The following ATP8A2 variants were observed in gnomAD, a reference collection of about 807,000 sequenced individuals.
The protein encoded by ATP8A2 is ATPase phospholipid transporting 8A2.
Under a neutral mutation model 165.6 loss-of-function variants are expected in ATP8A2, and 100 were observed. That is an observed-to-expected ratio of 0.60 (90% confidence interval 0.51 to 0.71). ATP8A2 has a LOEUF of 0.71. Ranked by LOEUF, ATP8A2 falls within the 30% of genes least tolerant of loss-of-function variation. ATP8A2 has a pLI of 0.00. For missense variants in ATP8A2, 1,227 were observed against 1,479.5 expected, an observed-to-expected ratio of 0.83 and a Z score of 2.80; for synonymous variants, 543 against 548.8, an observed-to-expected ratio of 0.99 and a Z score of 0.15.
rs371962634 is a variant in ATP8A2 at position 25,629,271 on chromosome 13, T to A, written c.2211+39572T>A. 4.6e-5 allele frequency among the ~76,000 whole-genome samples: 7 copies of A among 152,274 alleles called. No homozygotes were observed. The East Asian group carries it at 1.4e-3, about 29-fold the overall frequency. On this transcript the variant is annotated intron_variant, in intron 24 of 36. Transcript: ENST00000381655. ...GAATAATTTGGCTCAATAAAAAAAT[T>A]TTTAGAAGAAGCAATAGAATAGCAA...
chr13:25,958,622 T>C (rs1022867), intron 33 of ATP8A2, among the ~76,000 whole-genome samples: 41,086 of 152,144 alleles, frequency 0.27, 6,078 homozygotes, highest in East Asian at 0.57. Context: ...GCATATGGCA[T>C]GTAAATGGTC....
intron 26 of ATP8A2, among the ~76,000 whole-genome samples, chr13:25,772,900 C>T (rs1401163934): frequency 6.6e-6 from 1 of 151,974 alleles, no homozygotes; most frequent in African/African-American, 2.4e-5. Flanking sequence ...GCTGGGATTA[C>T]AGGCACCCAA....
chr13:25,951,599 T>C (rs1955362417), intron 33 of ATP8A2, among the ~76,000 whole-genome samples: 2 of 152,154 alleles, frequency 1.3e-5, no homozygotes, highest in Admixed American at 1.3e-4. Context: ...TGGCTGAAGA[T>C]CTGTGCATTT....
At chr13:25,602,052 A>G (rs1593624677) in intron 24 of ATP8A2, among the ~76,000 whole-genome samples, 1 of 152,048 alleles carries the variant, frequency 6.6e-6, no homozygotes, top group Non-Finnish European at 1.5e-5. Context: ...ACTCTTGCCT[A>G]CTTGGTAAGA....
intron 33 of ATP8A2, among the ~76,000 whole-genome samples, chr13:25,893,375 T>C (rs1185111111): frequency 6.6e-6 from 1 of 151,970 alleles, no homozygotes; most frequent in Non-Finnish European, 1.5e-5. Flanking sequence ...ACAAAGGACA[T>C]GAACTCATCA....
intron 34 of ATP8A2, among the ~76,000 whole-genome samples, chr13:25,966,753 A>T (rs1955786411): frequency 6.6e-6 from 1 of 152,188 alleles, no homozygotes; most frequent in Admixed American, 6.5e-5. Context: ...ATTGAGTAAA[A>T]ACCAGCAGCT....
chr13:25,539,276 T>A (rs2038392686), intron 7 of ATP8A2, among the ~76,000 whole-genome samples: 1 of 152,022 alleles, frequency 6.6e-6, no homozygotes, highest in Non-Finnish European at 1.5e-5. Context: ...TTTAAAAATT[T>A]TTTTGTAGAG....
intron 2 of ATP8A2, among the ~76,000 whole-genome samples, chr13:25,472,781 C>T (rs1438422063): frequency 6.6e-6 from 1 of 152,134 alleles, no homozygotes; most frequent in Non-Finnish European, 1.5e-5. Flanking sequence ...GGCTAACTTA[C>T]CTTGTTGTAC....
rs11443092 is a variant in ATP8A2, at chr13:25,750,813, G to GA, written c.2385-18231dup. Among the ~76,000 whole-genome samples the GA allele has an allele frequency of 0.021, 3,269 of 152,246 alleles. 119 individuals carry two copies. The highest frequency in any genetic ancestry group is 0.18 in the East Asian group (918 of 5,170). ...AGAGTTGCTTGGGGAAAAAAAAAAG[G>GA]AATCTTTTTGGAATTACACGTGTAG... is the stretch of plus-strand genomic sequence containing the variant. On this transcript the variant is annotated intron_variant, in intron 25 of 36. Transcript: ENST00000381655. The surrounding 1 kb of genome is among the most constrained non-coding windows in gnomAD (Gnocchi z 4.3).
intron 1 of ATP8A2, among the ~76,000 whole-genome samples, chr13:25,401,054 C>T (rs954291772): frequency 1.3e-5 from 2 of 152,028 alleles, no homozygotes; most frequent in African/African-American, 4.8e-5. Context: ...TCTCTTCATT[C>T]GTAGAATAAC....
intron 1 of ATP8A2, among the ~76,000 whole-genome samples, chr13:25,399,004 C>T (rs1392236472): frequency 6.6e-6 from 1 of 152,158 alleles, no homozygotes; most frequent in Non-Finnish European, 1.5e-5. Flanking sequence ...TTTTCCTCTA[C>T]TTGAAAATTT....
At chr13:25,616,326 C>CTTTCTT (rs1357480265) in intron 24 of ATP8A2, among the ~76,000 whole-genome samples, 5 of 106,738 alleles carry the variant, frequency 4.7e-5, no homozygotes, top group African/African-American at 1.5e-4. Context: ...TTCTTTCTTT[C>CTTTCTT]TTTTTTTTTT....
chr13:25,688,221 G>C (rs1046556579), intron 24 of ATP8A2, among the ~76,000 whole-genome samples: 1 of 152,136 alleles, frequency 6.6e-6, no homozygotes, highest in African/African-American at 2.4e-5. Flanking sequence ...GTTAATTACA[G>C]GATTTTGTTT....
At chr13:25,554,100 G>C (rs185434353) in intron 12 of ATP8A2, among the ~76,000 whole-genome samples, 180 bp downstream of exon 12, 1 of 152,284 alleles carries the variant, frequency 6.6e-6, no homozygotes, top group Non-Finnish European at 1.5e-5. Flanking sequence ...GGGAATGGAA[G>C]GGCAGTGGTA....
chr13:25,389,819 G>C (rs2033180857), intron 1 of ATP8A2, among the ~76,000 whole-genome samples: 1 of 152,124 alleles, frequency 6.6e-6, no homozygotes, highest in Non-Finnish European at 1.5e-5. Flanking sequence ...CATGTAAAAA[G>C]GAAACAGTGA....
chr13:25,665,947 A>G (rs9507542), intron 24 of ATP8A2, among the ~76,000 whole-genome samples: 36,161 of 148,830 alleles, frequency 0.24, 4,865 homozygotes, highest in South Asian at 0.46. Flanking sequence ...TTTATAAAAT[A>G]TATATAAGGC....
At chr13:25,984,079 T>A (rs1379385270) in intron 35 of ATP8A2, among the ~76,000 whole-genome samples, 3 of 151,212 alleles carry the variant, frequency 2.0e-5, no homozygotes, top group East Asian at 2.0e-4. Context: ...ACAAAAGTTT[T>A]AAAAAAAATT....
At chr13:25,812,690 A>C (rs9507580) in intron 27 of ATP8A2, among the ~76,000 whole-genome samples, 18,224 of 151,650 alleles carry the variant, frequency 0.12, 1,423 homozygotes, top group Non-Finnish European at 0.18. Flanking sequence ...AAAATAAACA[A>C]AACTACATTA....
chr13:25,488,887 T>G, intron 2 of ATP8A2, among the ~76,000 whole-genome samples: 1 of 108,806 alleles, frequency 9.2e-6, no homozygotes, highest in South Asian at 3.9e-4. Flanking sequence ...CCACCCCCCA[T>G]TTTTGCTGTC....
Sources: allele counts gnomAD v4.1 joint callset (sites outside exome capture counted in the v4.1 genomes callset), GRCh38; gene constraint gnomAD v4.1.1; non-coding constraint Gnocchi (gnomAD v3.1); transcripts MANE v1.5; gene names NCBI Gene and HGNC (gene_info 2026-07-23, HGNC 2026-07-21).